ZNF721: variants seen among roughly 807,000 people sequenced by gnomAD.
The protein encoded by ZNF721 is zinc finger protein 721.
A neutral mutation model predicts 2.4 loss-of-function variants in ZNF721; 2 were observed. The ratio of observed to expected loss-of-function variants is 0.82; its 90% CI spans 0.34 to 2.58. The LOEUF (loss-of-function observed/expected upper bound fraction) is 2.58, where lower values mean the gene tolerates loss of function less well. Ranked by LOEUF, ZNF721 falls within the 30% of genes most tolerant of loss-of-function variation. The pLI, the probability that ZNF721 is intolerant of heterozygous loss-of-function variation, is 0.11. For missense variants in ZNF721, 1,187 were observed against 1,085.5 expected (o/e 1.09, Z -1.31); for synonymous variants, 398 against 381.8 (o/e 1.04, Z -0.50).
At chr4:454,195 T>A (rs4690261) in intron 2 of ZNF721, 45,050 of 152,174 alleles carry the variant, frequency 0.3, 8,366 homozygotes, top group East Asian at 0.5. Flanking sequence ...CGGGTGGTGA[T>A]ACCTGCCCCT....
chr4:458,112 G>C (rs982545998), intron 2 of ZNF721, among the ~76,000 whole-genome samples: 2 of 152,214 alleles, frequency 1.3e-5, no homozygotes, highest in Non-Finnish European at 2.9e-5. Flanking sequence ...TCGCAAGAGC[G>C]ACACAGCGGG....
At position 499,120 on chromosome 4, in the gene ZNF721, G is replaced by C; in HGVS notation, c.-158C>G. 1 of 573,102 alleles carries C rather than the reference G, an allele frequency of 1.7e-6. No homozygotes were observed. Among genetic ancestry groups the C allele is most frequent in the Non-Finnish European group, 3.0e-6 (1 of 333,436 alleles). 35.5% of individuals were successfully genotyped at this position (573,102 alleles called of 1,614,324 possible). A position where few individuals can be genotyped will look rare whatever the true frequency, so the allele number is the denominator to read the frequency against. ...ACGGCCCCACGGAGCCGGGAACACC[G>C]CCCGCTGTTCGTATGTCCGAGGTGA... is the stretch of plus-strand genomic sequence containing the variant. On this transcript the variant is annotated 5_prime_UTR_variant, in exon 1 of 3. Transcript: ENST00000511833.
At chr4:497,758 C>A (rs1384652672) in intron 1 of ZNF721, among the ~76,000 whole-genome samples, 2 of 149,276 alleles carry the variant, frequency 1.3e-5, no homozygotes, top group African/African-American at 5.0e-5. Flanking sequence ...ATTTGACGGG[C>A]GTGGCGGCGG....
chr4:446,776 C>G (rs782125743), intron 2 of ZNF721, among the ~76,000 whole-genome samples: 8 of 151,976 alleles, frequency 5.3e-5, no homozygotes, highest in Non-Finnish European at 1.2e-4. Flanking sequence ...TCACTGCAAC[C>G]TCCCCTCCTG....
intron 2 of ZNF721, among the ~76,000 whole-genome samples, chr4:457,239 AAC>A (rs1365769859): frequency 6.6e-6 from 1 of 152,232 alleles, no homozygotes; most frequent in Non-Finnish European, 1.5e-5. Context: ...AGAAACTGAA[AAC>A]ACAGTAAGAT....
intron 2 of ZNF721, among the ~76,000 whole-genome samples, chr4:468,953 C>T (rs962092119): frequency 2.6e-5 from 4 of 152,118 alleles, no homozygotes; most frequent in Admixed American, 2.6e-4. Context: ...GCTCTCCTGC[C>T]TGCAAAAGAA....
rs1553862863 is a variant in ZNF721, at chr4:440,093, G to C, written c.*1602C>G. On this transcript the variant is annotated 3_prime_UTR_variant, in exon 3 of 3. Coordinates refer to ENST00000511833, the MANE Select transcript of ZNF721 (RefSeq NM_133474.4). ...ATTGCACTTATTACATAAATATACA[G>C]TTGGCAAAACAATTTACTACTAAAA... 1 of 152,122 alleles carries C rather than the reference G, an allele frequency of 6.6e-6. No homozygotes were observed. The highest frequency in any genetic ancestry group is 2.4e-5 in the African/African-American group (1 of 41,426). The allele number at this position is 152,122 out of a possible 1,614,324, so 9.4% of individuals were successfully genotyped here.
At chr4:474,803 G>C (rs78949552) in intron 1 of ZNF721, among the ~76,000 whole-genome samples, 15 of 151,910 alleles carry the variant, frequency 9.9e-5, no homozygotes, top group African/African-American at 2.2e-4. Flanking sequence ...TTGAACCTGG[G>C]GGGTGGAGGT....
chr4:479,010 G>A (rs1405653808), intron 1 of ZNF721, among the ~76,000 whole-genome samples: 1 of 152,048 alleles, frequency 6.6e-6, no homozygotes, highest in Non-Finnish European at 1.5e-5. Flanking sequence ...AAGGTGATCT[G>A]CCCACCTCGG....
chr4:447,816 T>A (rs547346975), intron 2 of ZNF721, among the ~76,000 whole-genome samples: 1 of 143,332 alleles, frequency 7.0e-6, no homozygotes, highest in Non-Finnish European at 1.5e-5. Flanking sequence ...TAAACAATAA[T>A]AAAAACGTTC....
At position 443,887 on chromosome 4, in the gene ZNF721, T is replaced by G; in HGVS notation, c.580A>C (p.Thr194Pro). Residue 194 changes from threonine (T) to proline (P), a missense_variant, in exon 3 of 3, where the codon ACA (threonine) becomes CCA (proline). Thr to Pro is a conservative substitution (Grantham distance 38, BLOSUM62 -1). Coordinates refer to ENST00000511833, the MANE Select transcript of ZNF721 (RefSeq NM_133474.4). Reference sequence around the variant, plus strand: ...AAGGCTCTGTCACGATCTTCACCTGTGTAAGCTTTCTCTCTGTTGTGAATT... The same window carrying G: ...AAGGCTCTGTCACGATCTTCACCTGGGTAAGCTTTCTCTCTGTTGTGAATT... ...KRIHNREKAY[T>P]GEDRDRAFGW... is the part of the protein sequence containing the mutation. 1 of 1,614,062 alleles carries G rather than the reference T, an allele frequency of 6.2e-7. No homozygotes were observed. Among genetic ancestry groups the G allele is most frequent in the Non-Finnish European group, 8.5e-7 (1 of 1,179,956 alleles).
intron 1 of ZNF721, among the ~76,000 whole-genome samples, chr4:485,562 A>C (rs554446246): frequency 1.6e-4 from 24 of 152,288 alleles, no homozygotes; most frequent in African/African-American, 5.8e-4. Context: ...TTTTCACATT[A>C]ATTTGAGAAA....
At position 443,030 on chromosome 4, in the gene ZNF721, G is replaced by T; in HGVS notation, c.1437C>A (p.Gly479=). 6.2e-7 allele frequency: 1 copy of T among 1,613,772 alleles called. No homozygotes were observed. The highest frequency in any genetic ancestry group is 8.5e-7 in the Non-Finnish European group (1 of 1,179,746). Residue 479 remains glycine, a synonymous_variant, in exon 3 of 3, where the codon GGC becomes GGA. Transcript: ENST00000511833. ...AGCTTGAGGATGAGGTAATGACTTT[G>T]CCACATTGCTTACATTTGTAGGGTT... The part of the protein sequence containing the change: ...GKKPYKCKQC[G]KVITSSSSFA...
chr4:451,150 A>G (rs1471045207), intron 2 of ZNF721, among the ~76,000 whole-genome samples: 1 of 151,816 alleles, frequency 6.6e-6, no homozygotes. Context: ...TTTTATTTTA[A>G]AACAAAGATA....
In ZNF721 at chr4:441,254, T is replaced by C. The variant is rs1576949051; in HGVS notation, c.*441A>G. 2 of 157,280 alleles carry C rather than the reference T, an allele frequency of 1.3e-5. No homozygotes were observed. The highest frequency in any genetic ancestry group is 3.8e-4 in the South Asian group (2 of 5,322). 9.7% of individuals were successfully genotyped at this position (157,280 alleles called of 1,614,324 possible). ...ACATTTATAATGCTTTTATTAACTA[T>C]AAATTTCAAGTAGACAATAGCTTTT... is the stretch of plus-strand genomic sequence containing the variant. On this transcript the variant is annotated 3_prime_UTR_variant, in exon 3 of 3. Transcript: ENST00000511833.
chr4:451,161 T>C (rs1490487507), intron 2 of ZNF721, among the ~76,000 whole-genome samples: 3 of 151,846 alleles, frequency 2.0e-5, no homozygotes, highest in African/African-American at 7.3e-5. Flanking sequence ...AACAAAGATA[T>C]TCTGACACGT....
chr4:474,058 C>A, intron 1 of ZNF721: 3 of 1,459,618 alleles, frequency 2.1e-6, no homozygotes, highest in Non-Finnish European at 1.8e-6. Context: ...GCGATGGAGG[C>A]TGAGGCTCTG....
intron 2 of ZNF721, among the ~76,000 whole-genome samples, chr4:471,459 A>G (rs1297474943): frequency 6.6e-6 from 1 of 152,224 alleles, no homozygotes; most frequent in African/African-American, 2.4e-5. Context: ...ACACAGACAG[A>G]CAAAGAAACT....
intron 1 of ZNF721, among the ~76,000 whole-genome samples, chr4:490,262 G>T (rs192421478): frequency 0.018 from 2,775 of 151,840 alleles, 74 homozygotes; most frequent in African/African-American, 0.062. Flanking sequence ...AGATCACGAG[G>T]TGAGGAGATC....
Sources: gnomAD v4.1 joint callset for allele counts (sites outside exome capture counted in the v4.1 genomes callset) on GRCh38, gnomAD v4.1.1 for gene constraint, MANE v1.5 for transcripts, NCBI Gene and HGNC (gene_info 2026-07-23, HGNC 2026-07-21) for gene names.